Variants in MYO16 observed in about 807,000 individuals in gnomAD.
The protein encoded by MYO16 is myosin XVI.
Under a neutral mutation model 205.3 loss-of-function variants are expected in MYO16, and 94 were observed. The observed-to-expected ratio is 0.46, with a 90% CI of 0.39 to 0.54. MYO16 has a LOEUF of 0.54. MYO16 is among the 20% of genes least tolerant of loss of function. The pLI, the probability that MYO16 is intolerant of heterozygous loss-of-function variation, is 0.00. For synonymous variants in MYO16, 988 were observed against 954.0 expected (o/e 1.04, Z -0.66); for missense variants, 2,315 against 2,387.5 (o/e 0.97, Z 0.63).
At chr13:108,838,912 TTGTGG>T (rs1307727367) in intron 9 of MYO16, among the ~76,000 whole-genome samples, 1 of 152,058 alleles carries the variant, frequency 6.6e-6, no homozygotes, top group East Asian at 1.9e-4. Flanking sequence ...CCAGTGGTGC[TTGTGG>T]AAGGAAGAAG....
intron 9 of MYO16, among the ~76,000 whole-genome samples, chr13:108,834,224 G>A (rs561403498): frequency 5.9e-5 from 9 of 152,234 alleles, no homozygotes; most frequent in South Asian, 4.1e-4. Flanking sequence ...GGGAAAGTAC[G>A]TAGCACTTTA....
At chr13:108,620,533 G>A (rs1879501080) in intron 1 of MYO16, among the ~76,000 whole-genome samples, 1 of 152,162 alleles carries the variant, frequency 6.6e-6, no homozygotes, top group African/African-American at 2.4e-5. Context: ...GGGCTTCTAG[G>A]GATGAGAGGT....
chr13:108,889,770 A>G (rs1880075038), intron 14 of MYO16, among the ~76,000 whole-genome samples: 1 of 152,196 alleles, frequency 6.6e-6, no homozygotes, highest in African/African-American at 2.4e-5. Flanking sequence ...ACTCAGTGCC[A>G]TGGGTACACC....
At chr13:108,642,710 G>A (rs1880562433) in intron 1 of MYO16, among the ~76,000 whole-genome samples, 1 of 152,128 alleles carries the variant, frequency 6.6e-6, no homozygotes, top group Non-Finnish European at 1.5e-5. Flanking sequence ...GAGCCACCGT[G>A]CCCGGCCTTT....
intron 27 of MYO16, among the ~76,000 whole-genome samples, chr13:109,092,660 C>T (rs1487001544): frequency 6.6e-6 from 1 of 152,162 alleles, no homozygotes; most frequent in Non-Finnish European, 1.5e-5. Flanking sequence ...ATAGGTACAA[C>T]AAACCCCCTG....
chr13:108,520,399 G>A, the MYO16 span, among the ~76,000 whole-genome samples: 1 of 152,096 alleles, frequency 6.6e-6, no homozygotes, highest in Non-Finnish European at 1.5e-5. Flanking sequence ...TCCAATTTAT[G>A]TGTGATTAAA....
intron 12 of MYO16, among the ~76,000 whole-genome samples, chr13:108,878,272 C>A (rs1010860376): frequency 6.6e-6 from 1 of 152,034 alleles, no homozygotes; most frequent in Non-Finnish European, 1.5e-5. Flanking sequence ...CCATCCTGTA[C>A]CCCCAAACAC....
chr13:108,640,196 A>G (rs915022008), intron 1 of MYO16, among the ~76,000 whole-genome samples: 2 of 152,304 alleles, frequency 1.3e-5, no homozygotes, highest in Admixed American at 1.3e-4. Context: ...TGGTTTGCAA[A>G]GGAGTTAAGA....
intron 21 of MYO16, among the ~76,000 whole-genome samples, chr13:109,006,428 C>T (rs146997016): frequency 1.7e-4 from 26 of 152,086 alleles, no homozygotes; most frequent in Non-Finnish European, 3.2e-4. Flanking sequence ...TTAGTATAGA[C>T]GGGATTTCAC....
Position 109,125,953 on chromosome 13 carries a change from A to G in MYO16, c.3782+595A>G, listed in dbSNP as rs771558877. On this transcript the variant is annotated intron_variant, in intron 30 of 34. Coordinates refer to ENST00000457511, the MANE Select transcript of MYO16 (RefSeq NM_001198950.3). The surrounding 1 kb of genome is among the most constrained non-coding windows in gnomAD (Gnocchi z 4.0). ...TGTGACGATCACCTGGTCCCTCTCC[A>G]TTTGATCACTCTCCTCTCTCTGTGA... 2.0e-4 allele frequency among the ~76,000 whole-genome samples: 31 copies of G among 152,282 alleles called. No individual in the cohort carries two copies. Among genetic ancestry groups the G allele is most frequent in the Admixed American group, 3.9e-4 (6 of 15,290 alleles).
chr13:108,740,943 A>T (rs886373605), intron 4 of MYO16, among the ~76,000 whole-genome samples: 2 of 152,110 alleles, frequency 1.3e-5, no homozygotes, highest in African/African-American at 2.4e-5. Context: ...CATGTTGGGG[A>T]TATAATCTCC....
intron 32 of MYO16, among the ~76,000 whole-genome samples, chr13:109,156,964 C>A (rs1243003063): frequency 6.6e-6 from 1 of 152,158 alleles, no homozygotes; most frequent in Admixed American, 6.5e-5. Flanking sequence ...AATTGCCACT[C>A]AATTTAATCC....
At chr13:108,578,282 T>G in the MYO16 span, among the ~76,000 whole-genome samples, 1 of 152,216 alleles carries the variant, frequency 6.6e-6, no homozygotes, top group East Asian at 1.9e-4. Context: ...ATTAAAATAC[T>G]AAAAATGTTA....
chr13:109,134,953 C>G (rs1187760933), intron 31 of MYO16, among the ~76,000 whole-genome samples: 6 of 152,138 alleles, frequency 3.9e-5, no homozygotes, highest in African/African-American at 1.4e-4. Flanking sequence ...CCCCAGACTC[C>G]CCAAAGCCTC....
At chr13:108,954,462 A>G (rs2139348723) in intron 16 of MYO16, among the ~76,000 whole-genome samples, 1 of 152,292 alleles carries the variant, frequency 6.6e-6, no homozygotes, top group East Asian at 1.9e-4. Flanking sequence ...CACTAGGGCC[A>G]GCGTGTGGTG....
intron 23 of MYO16, among the ~76,000 whole-genome samples, chr13:109,044,584 T>G (rs1322279651): frequency 2.0e-5 from 3 of 152,176 alleles, no homozygotes; most frequent in Non-Finnish European, 4.4e-5. Flanking sequence ...CAGAAGAAAT[T>G]ATCTCAACTT....
At chr13:108,900,556 C>T (rs1880658242) in intron 15 of MYO16, among the ~76,000 whole-genome samples, 1 of 152,208 alleles carries the variant, frequency 6.6e-6, no homozygotes, top group Admixed American at 6.5e-5. Flanking sequence ...TTACTGCAGT[C>T]TCTGAACATA....
At chr13:108,642,990 T>A (rs1459955904) in intron 1 of MYO16, among the ~76,000 whole-genome samples, 1 of 152,160 alleles carries the variant, frequency 6.6e-6, no homozygotes, top group Non-Finnish European at 1.5e-5. Flanking sequence ...TGGTCTATTT[T>A]GTTAAGTCAG....
intron 34 of MYO16, among the ~76,000 whole-genome samples, chr13:109,190,547 C>T (rs932244474): frequency 2.0e-5 from 3 of 152,156 alleles, no homozygotes; most frequent in Non-Finnish European, 4.4e-5. Context: ...TAACCAGTAG[C>T]AGCCCCAGAA....
Sources: allele counts gnomAD v4.1 joint callset (sites outside exome capture counted in the v4.1 genomes callset), GRCh38; gene constraint gnomAD v4.1.1; non-coding constraint Gnocchi (gnomAD v3.1); transcripts MANE v1.5; gene names NCBI Gene and HGNC (gene_info 2026-07-23, HGNC 2026-07-21).